The following EHBP1 variants were observed in gnomAD, a reference collection of about 807,000 sequenced individuals.
EHBP1 encodes the protein EH domain-binding protein 1.
In EHBP1, 55 loss-of-function variants were observed where a neutral mutation model predicts 144.0. The ratio of observed to expected loss-of-function variants is 0.38; its 90% CI spans 0.31 to 0.48. EHBP1 has a LOEUF of 0.48. Ranked by LOEUF, EHBP1 falls within the 20% of genes least tolerant of loss-of-function variation. The probability of loss-of-function intolerance (pLI) is 0.98; values close to 1 mark genes in which losing one functional copy is unlikely to be tolerated. For missense variants in EHBP1, 1,200 were observed against 1,364.2 expected (o/e 0.88, Z 1.90); for synonymous variants, 469 against 472.7 (o/e 0.99, Z 0.10).
At chr2:63,026,140 T>C (rs988292518) in intron 19 of EHBP1, among the ~76,000 whole-genome samples, 13 of 152,152 alleles carry the variant, frequency 8.5e-5, no homozygotes, top group Admixed American at 7.2e-4. Context: ...GCCCAACATA[T>C]TTACTTCTGT....
At chr2:62,990,093 G>A (rs979904924) in intron 15 of EHBP1, among the ~76,000 whole-genome samples, 2 of 151,930 alleles carry the variant, frequency 1.3e-5, no homozygotes, top group Non-Finnish European at 2.9e-5. Context: ...TTGAACTATT[G>A]TATTATGAAA....
At chr2:62,760,150 G>GA (rs1296555104) in intron 3 of EHBP1, among the ~76,000 whole-genome samples, 5 of 152,022 alleles carry the variant, frequency 3.3e-5, no homozygotes, top group African/African-American at 7.2e-5. Flanking sequence ...GCTTTTGGTT[G>GA]AAAAAAAATC....
chr2:62,728,341 A>T (rs2037044604), intron 2 of EHBP1, among the ~76,000 whole-genome samples: 1 of 152,248 alleles, frequency 6.6e-6, no homozygotes, highest in South Asian at 2.1e-4. Context: ...AAGTGGCCGC[A>T]TCATTTCACA....
At chr2:62,739,389 T>C (rs1238086078) in intron 2 of EHBP1, among the ~76,000 whole-genome samples, 1 of 140,746 alleles carries the variant, frequency 7.1e-6, no homozygotes, top group Non-Finnish European at 1.5e-5. Context: ...TGATAGATTC[T>C]TTTTTTTTTT....
chr2:62,784,275 T>A (rs895875690), intron 5 of EHBP1, among the ~76,000 whole-genome samples: 1 of 152,212 alleles, frequency 6.6e-6, no homozygotes, highest in Non-Finnish European at 1.5e-5. Context: ...CTTTTCAAAC[T>A]GAAGAAGAGA....
At chr2:62,784,711 C>G (rs2042688547) in intron 5 of EHBP1, among the ~76,000 whole-genome samples, 1 of 152,178 alleles carries the variant, frequency 6.6e-6, no homozygotes, top group South Asian at 2.1e-4. Context: ...AAAATTGTTA[C>G]AGCTTTATAC....
rs1227467940 is a variant in EHBP1 at position 62,740,924 on chromosome 2, ATG to A, written c.105-6467_105-6466del. 2.0e-5 allele frequency among the ~76,000 whole-genome samples: 3 copies of A among 152,064 alleles called. No homozygotes were observed. In the East Asian group the frequency reaches 5.8e-4, roughly 29 times the overall value. On this transcript the variant is annotated intron_variant, in intron 2 of 22. Coordinates refer to ENST00000431489, the MANE Select transcript of EHBP1 (RefSeq NM_001142616.3). The stretch of plus-strand genomic sequence containing the variant: ...TTACAAGACAGCAACTATTATTGTT[ATG>A]TGTTTTTTTTAATTTACTGAGTTTT...
Position 62,707,307 on chromosome 2 carries a change from C to T in EHBP1, c.104+12C>T. ...TGTACGAAGAAATGGTAAGATGTAC[C>T]TGGAGGTAGATTTTGCTGTGCTGTG... On this transcript the variant is annotated intron_variant, in intron 2 of 22. Transcript: ENST00000431489. The T allele has an allele frequency of 6.2e-7, 1 of 1,601,762 alleles. No homozygotes were observed.
At chr2:62,704,008 A>T (rs1338647543), upstream of EHBP1, among the ~76,000 whole-genome samples, 3 of 152,204 alleles carry the variant, frequency 2.0e-5, no homozygotes, top group African/African-American at 7.2e-5. Flanking sequence ...ATTTATGACC[A>T]TTTCTACAAA....
chr2:62,746,642 A>C (rs1298781069), intron 2 of EHBP1, among the ~76,000 whole-genome samples: 2 of 152,124 alleles, frequency 1.3e-5, no homozygotes, highest in African/African-American at 4.8e-5. Flanking sequence ...AGGTTGATGC[A>C]GAAGTAATTG....
At chr2:62,697,299 A>T (rs1213694233) in intron 1 of EHBP1, among the ~76,000 whole-genome samples, 1 of 152,268 alleles carries the variant, frequency 6.6e-6, no homozygotes, top group East Asian at 1.9e-4. Flanking sequence ...AAAAACATAA[A>T]TTGTAAACAG....
intron 5 of EHBP1, among the ~76,000 whole-genome samples, chr2:62,793,736 C>T (rs145794799): frequency 1.3e-5 from 2 of 151,616 alleles, no homozygotes; most frequent in East Asian, 1.9e-4. Context: ...ATATGATCTA[C>T]GAAATAAAGA....
At chr2:62,815,030 A>G (rs550812710) in intron 5 of EHBP1, among the ~76,000 whole-genome samples, 135 of 152,358 alleles carry the variant, frequency 8.9e-4, no homozygotes, top group African/African-American at 3.2e-3. Flanking sequence ...ATCCAAAGAC[A>G]TAAAACAATA....
chr2:62,862,049 A>T (rs1009593211), intron 8 of EHBP1, among the ~76,000 whole-genome samples: 5 of 152,212 alleles, frequency 3.3e-5, no homozygotes, highest in African/African-American at 9.6e-5. Context: ...CTTAATTTAC[A>T]TGATTATAAA....
At chr2:63,032,762 G>A (rs2061312552) in intron 19 of EHBP1, among the ~76,000 whole-genome samples, 1 of 152,014 alleles carries the variant, frequency 6.6e-6, no homozygotes, top group Non-Finnish European at 1.5e-5. Flanking sequence ...TCTGTTAGAA[G>A]TCGTGTGTAG....
intron 5 of EHBP1, among the ~76,000 whole-genome samples, chr2:62,818,533 A>C (rs2045617287): frequency 6.6e-6 from 1 of 152,082 alleles, no homozygotes; most frequent in African/African-American, 2.4e-5. Context: ...ATGTTCACAC[A>C]ATGATGCATT....
intron 2 of EHBP1, among the ~76,000 whole-genome samples, chr2:62,730,970 G>T (rs1438667377): frequency 6.7e-6 from 1 of 149,286 alleles, no homozygotes; most frequent in Non-Finnish European, 1.5e-5. Context: ...CTTGTGGGGA[G>T]TTTGATTGAT....
intron 5 of EHBP1, among the ~76,000 whole-genome samples, chr2:62,804,834 A>G (rs1457284529): frequency 6.6e-6 from 1 of 152,196 alleles, no homozygotes. Flanking sequence ...TTAGATTCTC[A>G]TAGGAGTGTG....
At chr2:62,759,980 A>G (rs1025008494) in intron 3 of EHBP1, among the ~76,000 whole-genome samples, 5 of 151,990 alleles carry the variant, frequency 3.3e-5, no homozygotes, top group African/African-American at 7.3e-5. Context: ...CTACTAGTAC[A>G]GTTGTCCCTA....
Sources: gnomAD v4.1 joint callset for allele counts (sites outside exome capture counted in the v4.1 genomes callset) on GRCh38, gnomAD v4.1.1 for gene constraint, MANE v1.5 for transcripts, NCBI Gene and HGNC (gene_info 2026-07-23, HGNC 2026-07-21) for gene names.